The following EIF2AK4 variants were observed in gnomAD, a reference collection of about 807,000 sequenced individuals.
EIF2AK4 encodes eIF-2-alpha kinase GCN2.
Under a neutral mutation model 211.1 loss-of-function variants are expected in EIF2AK4, and 139 were observed. The ratio of observed to expected loss-of-function variants is 0.66; its 90% CI spans 0.57 to 0.76. The LOEUF is 0.76. EIF2AK4 is among the 30% of genes least tolerant of loss of function. The probability of loss-of-function intolerance (pLI) is 0.00; values close to 1 mark genes in which losing one functional copy is unlikely to be tolerated. For synonymous variants in EIF2AK4, 710 were observed against 751.3 expected (o/e 0.94, Z 0.90); for missense variants, 1,664 against 2,043.8 (o/e 0.81, Z 3.58).
At chr15:39,985,728 C>A in intron 13 of EIF2AK4, 77 bp from the exon 14 acceptor site, 1 of 1,442,868 alleles carries the variant, frequency 6.9e-7, no homozygotes, top group Non-Finnish European at 9.7e-7. Flanking sequence ...GGGGTGGGCA[C>A]AAATACTTAA....
intron 24 of EIF2AK4, among the ~76,000 whole-genome samples, chr15:40,007,449 C>T (rs1362872259): frequency 3.9e-5 from 6 of 152,190 alleles, no homozygotes; most frequent in African/African-American, 1.2e-4. Flanking sequence ...TATGTGAAAA[C>T]TGCCTACACA....
At chr15:39,963,206 G>A (rs1301888432) in intron 7 of EIF2AK4, among the ~76,000 whole-genome samples, 1 of 152,176 alleles carries the variant, frequency 6.6e-6, no homozygotes, top group East Asian at 1.9e-4. Context: ...TCATTGGGCA[G>A]GTTCAAGACA....
chr15:39,950,458 G>A (rs956499875), intron 4 of EIF2AK4, among the ~76,000 whole-genome samples: 1 of 152,026 alleles, frequency 6.6e-6, no homozygotes, highest in Non-Finnish European at 1.5e-5. Flanking sequence ...GGGTGTGGTG[G>A]CAGGCACCTG....
At position 39,976,646 on chromosome 15, in the gene EIF2AK4, G is replaced by A; in HGVS notation, c.2051G>A (p.Gly684Glu). 6.2e-7 allele frequency: 1 copy of A among 1,604,112 alleles called. No individual in the cohort carries two copies. Residue 684 changes from glycine to glutamate, a missense_variant, in exon 12 of 39, where the codon GGG becomes GAG. By Grantham distance (98) the Gly-to-Glu change is moderately conservative. Transcript: ENST00000263791. ...PLAKDDRAAR[G>E]QPASDTDGLD... Reference sequence around the variant, plus strand: ...GCCAAGGATGACCGAGCTGCACGCGGGCAGCCGGCGAGCGACACAGACGGC... The same window carrying A: ...GCCAAGGATGACCGAGCTGCACGCGAGCAGCCGGCGAGCGACACAGACGGC...
Position 39,976,506 on chromosome 15 carries a change from G to A in EIF2AK4, c.1911G>A (p.Val637=). The part of the protein sequence containing the change: ...SRQFRRIKGE[V]TLLSRLHHEN... ...AGTTCCGCAGGATCAAGGGCGAAGT[G>A]ACACTGCTGTCACGGCTGCACCATG... Residue 637 remains valine (V), a synonymous_variant, in exon 12 of 39, where the codon GTG becomes GTA. Coordinates refer to ENST00000263791, the MANE Select transcript of EIF2AK4 (RefSeq NM_001013703.4). 1 of 1,612,480 alleles carries A rather than the reference G, an allele frequency of 6.2e-7. No homozygotes were observed. The highest frequency in any genetic ancestry group is 1.3e-5 in the African/African-American group (1 of 74,822).
intron 5 of EIF2AK4, among the ~76,000 whole-genome samples, chr15:39,955,391 G>A (rs1352155658): frequency 2.6e-5 from 4 of 152,090 alleles, no homozygotes. Context: ...GATCGGATCA[G>A]GGTAATTAGC....
At chr15:40,011,565 T>G (rs1485050454) in intron 27 of EIF2AK4, among the ~76,000 whole-genome samples, 1 of 152,214 alleles carries the variant, frequency 6.6e-6, no homozygotes, top group South Asian at 2.1e-4. Flanking sequence ...ATGCTTCTTC[T>G]TGATACGCTG....
intron 32 of EIF2AK4, among the ~76,000 whole-genome samples, chr15:40,025,318 T>C (rs1160779722): frequency 6.6e-6 from 1 of 152,222 alleles, no homozygotes; most frequent in Non-Finnish European, 1.5e-5. Context: ...AGGCCCCGAA[T>C]GTTTTGAACA....
At chr15:39,963,303 A>G (rs921479799) in intron 7 of EIF2AK4, among the ~76,000 whole-genome samples, 4 of 152,234 alleles carry the variant, frequency 2.6e-5, no homozygotes, top group African/African-American at 9.6e-5. Context: ...AACTACTTCT[A>G]ATAACCTGGG....
chr15:39,987,886 G>A, intron 14 of EIF2AK4, 97 bp from the exon 15 acceptor site: 1 of 1,405,822 alleles, frequency 7.1e-7, no homozygotes, highest in Non-Finnish European at 9.8e-7. Context: ...AAAACCCATG[G>A]TACACGTTTT....
intron 11 of EIF2AK4, chr15:39,974,141 G>A (rs1362224431): frequency 6.5e-6 from 1 of 153,952 alleles, no homozygotes; most frequent in African/African-American, 2.4e-5. Context: ...AAGAGAGATG[G>A]ACTTCAAACT....
chr15:40,031,296 A>G (rs1021908961), intron 35 of EIF2AK4, among the ~76,000 whole-genome samples: 3 of 152,238 alleles, frequency 2.0e-5, no homozygotes, highest in Admixed American at 1.3e-4. Flanking sequence ...TGAATGTTAG[A>G]GTATGCTGTG....
intron 10 of EIF2AK4, 37 bp downstream of exon 10, chr15:39,973,051 T>G: frequency 6.4e-7 from 1 of 1,555,436 alleles, no homozygotes; most frequent in Non-Finnish European, 8.9e-7. Context: ...GTAACCTGTT[T>G]GACATTAAAT....
chr15:39,946,586 C>A lies in EIF2AK4; in HGVS notation c.361-2530C>A, dbSNP rs868194179. On this transcript the variant is annotated intron_variant, in intron 3 of 38. Transcript: ENST00000263791. ...ATATTTCATAAACTTTGTTTTGAAG[C>A]AGCAGCAGGGTTGGAGAGGATTGAC... is the stretch of plus-strand genomic sequence containing the variant. 48 of 701,778 alleles carry A rather than the reference C, an allele frequency of 6.8e-5. No homozygotes were observed. The African/African-American group carries it at 7.2e-4, about 10-fold the overall frequency. 43.5% of individuals were successfully genotyped at this position (701,778 alleles called of 1,614,324 possible).
rs765785088 is a variant in EIF2AK4 at position 40,001,239 on chromosome 15, C to T, written c.3159+15C>T. On this transcript the variant is annotated intron_variant, in intron 21 of 38. Coordinates refer to ENST00000263791, the MANE Select transcript of EIF2AK4 (RefSeq NM_001013703.4). ...ACATACTGAAGGTGGGCTTAAGCCA[C>T]GCTGCACAAAGGGAGCTTCACCTTG... is the stretch of plus-strand genomic sequence containing the variant. 1.9e-5 allele frequency: 30 copies of T among 1,610,904 alleles called. No individual in the cohort carries two copies. Among genetic ancestry groups the T allele is most frequent in the Middle Eastern group, 2.1e-4 (1 of 4,852 alleles).
chr15:40,027,828 T>C (rs961396617), intron 33 of EIF2AK4, among the ~76,000 whole-genome samples: 1 of 151,802 alleles, frequency 6.6e-6, no homozygotes, highest in African/African-American at 2.4e-5. Context: ...GAGGTGGAGC[T>C]TGCAGTGAGT....
chr15:39,999,454 A>G (rs539136127), intron 20 of EIF2AK4, among the ~76,000 whole-genome samples: 1 of 152,316 alleles, frequency 6.6e-6, no homozygotes, highest in African/African-American at 2.4e-5. Context: ...CTTACTGACA[A>G]TTATAATCAA....
chr15:39,969,340 A>C (rs1473124655), intron 9 of EIF2AK4, among the ~76,000 whole-genome samples: 1 of 149,110 alleles, frequency 6.7e-6, no homozygotes, highest in African/African-American at 2.5e-5. Flanking sequence ...ACTTGAGATC[A>C]GCACAATTTC....
In EIF2AK4 at chr15:39,967,677, G is replaced by A. The variant is rs762358873; in HGVS notation, c.1351G>A (p.Ala451Thr). 49 of 1,614,036 alleles carry A rather than the reference G, an allele frequency of 3.0e-5. No homozygotes were observed. The highest frequency in any genetic ancestry group is 2.5e-4 in the South Asian group (23 of 91,080). ...ITDYSISKRL[A>T]DICKEDVFEQ... ...GGACTATAGCATTTCTAAGCGCCTCGCAGACATTTGCAAGGAGGATGTGTT... is the reference window on the plus strand; with the variant it reads ...GGACTATAGCATTTCTAAGCGCCTCACAGACATTTGCAAGGAGGATGTGTT... The change falls in exon 9 of 39, where the codon GCA (alanine) becomes ACA (threonine). Residue 451 changes from alanine to threonine, a missense_variant. By Grantham distance (58) the Ala-to-Thr change is moderately conservative. Around this residue, in one of 7 missense-constraint regions of EIF2AK4, gnomAD observed 641 missense variants for 729.6 expected, o/e 0.88. Coordinates refer to ENST00000263791, the MANE Select transcript of EIF2AK4 (RefSeq NM_001013703.4).
Sources: gnomAD v4.1 joint callset for allele counts (sites outside exome capture counted in the v4.1 genomes callset) on GRCh38, gnomAD v4.1.1 for gene constraint, gnomAD v4.1.1 regional missense constraint, MANE v1.5 for transcripts, NCBI Gene and HGNC (gene_info 2026-07-23, HGNC 2026-07-21) for gene names.